CTNNA3: variants seen among roughly 807,000 people sequenced by gnomAD.
CTNNA3 encodes the protein catenin alpha 3.
CTNNA3 carries 76 observed loss-of-function variants against 95.7 expected under a neutral mutation model. The observed-to-expected ratio is 0.79, with a 90% confidence interval of 0.66 to 0.96. CTNNA3 has a LOEUF of 0.96. Among genes scored for constraint, CTNNA3 ranks in the 40% least tolerant of loss-of-function variants. CTNNA3 has a pLI of 0.00. For synonymous variants in CTNNA3, 431 were observed against 374.4 expected (o/e 1.15, Z -1.74); for missense variants, 1,191 against 1,089.8 (o/e 1.09, Z -1.31).
intron 5 of CTNNA3, among the ~76,000 whole-genome samples, chr10:67,246,684 T>G (rs1240501365): frequency 6.6e-6 from 1 of 152,158 alleles, no homozygotes; most frequent in Non-Finnish European, 1.5e-5. Context: ...AACAGTAAAT[T>G]TTGAGCATTA....
intron 9 of CTNNA3, among the ~76,000 whole-genome samples, chr10:66,675,819 C>A (rs1223387665): frequency 6.6e-6 from 1 of 152,044 alleles, no homozygotes; most frequent in African/African-American, 2.4e-5. Context: ...CAGCCTAATA[C>A]ATGAAAATAA....
At chr10:67,372,774 T>C (rs902951864) in intron 5 of CTNNA3, among the ~76,000 whole-genome samples, 135 of 152,202 alleles carry the variant, frequency 8.9e-4, no homozygotes, top group Middle Eastern at 3.4e-3. Context: ...TAACAGCAGA[T>C]CTCTCGGCAG....
At chr10:67,620,806 GA>G (rs1843807849) in intron 2 of CTNNA3, among the ~76,000 whole-genome samples, 1 of 151,374 alleles carries the variant, frequency 6.6e-6, no homozygotes, top group Non-Finnish European at 1.5e-5. Context: ...TTTCCTAAAA[GA>G]AAAAACTCAT....
intron 13 of CTNNA3, among the ~76,000 whole-genome samples, chr10:66,190,915 G>A (rs1016937583): frequency 6.6e-5 from 10 of 152,064 alleles, no homozygotes; most frequent in African/African-American, 1.7e-4. Context: ...ACCCCCTAGC[G>A]GATGACCTTC....
intron 5 of CTNNA3, among the ~76,000 whole-genome samples, chr10:67,340,342 A>G (rs1842140627): frequency 1.3e-5 from 2 of 152,262 alleles, no homozygotes; most frequent in Non-Finnish European, 2.9e-5. Flanking sequence ...GAAAAAATGA[A>G]GTAAAAAATA....
chr10:66,773,788 A>C (rs1446483409), intron 8 of CTNNA3, among the ~76,000 whole-genome samples: 1 of 152,228 alleles, frequency 6.6e-6, no homozygotes, highest in Non-Finnish European at 1.5e-5. Flanking sequence ...GTATCTTCTT[A>C]CTATGAAGAA....
At chr10:67,255,468 G>GT (rs1866308570) in intron 5 of CTNNA3, among the ~76,000 whole-genome samples, 1 of 152,114 alleles carries the variant, frequency 6.6e-6, no homozygotes, top group Admixed American at 6.6e-5. Flanking sequence ...TTTCTTCTAT[G>GT]TATTACATAA....
At chr10:67,604,144 T>A (rs766007554) in intron 3 of CTNNA3, among the ~76,000 whole-genome samples, 2 of 152,212 alleles carry the variant, frequency 1.3e-5, no homozygotes, top group Admixed American at 6.5e-5. Context: ...TTTGTGTAAG[T>A]ACACTCTATG....
intron 13 of CTNNA3, among the ~76,000 whole-genome samples, chr10:66,105,967 G>A (rs923465285): frequency 3.3e-5 from 5 of 152,174 alleles, no homozygotes; most frequent in Admixed American, 3.3e-4. Context: ...CCAGCACTTT[G>A]GGAGGCCAAG....
chr10:65,944,548 G>T (rs780997786), intron 17 of CTNNA3, among the ~76,000 whole-genome samples: 1 of 152,188 alleles, frequency 6.6e-6, no homozygotes, highest in East Asian at 1.9e-4. Context: ...AAGGGGGAAG[G>T]CAAAGTGGAG....
intron 8 of CTNNA3, among the ~76,000 whole-genome samples, chr10:66,774,015 C>T (rs1840196687): frequency 6.6e-6 from 1 of 152,128 alleles, no homozygotes; most frequent in Non-Finnish European, 1.5e-5. Flanking sequence ...AACTGGGTGC[C>T]TTGTGCTTTT....
chr10:66,382,235 C>A (rs1002174501), intron 11 of CTNNA3, among the ~76,000 whole-genome samples: 10 of 152,182 alleles, frequency 6.6e-5, no homozygotes, highest in Non-Finnish European at 1.5e-4. Context: ...CCAAATACTG[C>A]GCTTTTCCCA....
intron 7 of CTNNA3, among the ~76,000 whole-genome samples, chr10:66,824,104 C>T (rs915804114): frequency 2.0e-5 from 3 of 149,268 alleles, no homozygotes; most frequent in Admixed American, 1.3e-4. Flanking sequence ...TAAGAAATGT[C>T]ATGTTAAAGA....
chr10:66,328,575 T>C (rs903793698), intron 12 of CTNNA3, among the ~76,000 whole-genome samples: 1 of 151,902 alleles, frequency 6.6e-6, no homozygotes, highest in Non-Finnish European at 1.5e-5. Flanking sequence ...GATCACAGGA[T>C]TTCTTTCCTG....
chr10:66,517,719 C>T (rs539547776), intron 11 of CTNNA3, among the ~76,000 whole-genome samples: 1 of 152,172 alleles, frequency 6.6e-6, no homozygotes, highest in Non-Finnish European at 1.5e-5. Flanking sequence ...AACTTGCTTT[C>T]ACTTTGCATT....
intron 16 of CTNNA3, among the ~76,000 whole-genome samples, chr10:65,974,342 G>C (rs1311912075): frequency 6.6e-6 from 1 of 152,060 alleles, no homozygotes; most frequent in Non-Finnish European, 1.5e-5. Context: ...AATCAACCTA[G>C]GTATCCACCA....
chr10:66,265,165 AT>A (rs1357382755), intron 13 of CTNNA3, among the ~76,000 whole-genome samples: 1 of 152,022 alleles, frequency 6.6e-6, no homozygotes, highest in African/African-American at 2.4e-5. Context: ...ACCTTGAGTT[AT>A]CCACATATTG....
rs755424227 is a variant in CTNNA3, at chr10:65,988,717, A to T, written c.2240T>A (p.Val747Asp). 2.5e-6 allele frequency: 4 copies of T among 1,613,888 alleles called. No individual in the cohort carries two copies. In the South Asian group the frequency reaches 4.4e-5, roughly 18 times the overall value. Residue 747 changes from valine to aspartate, a missense_variant, in exon 16 of 18, where the codon GTC becomes GAC. By Grantham distance (152) the Val-to-Asp change is radical. Coordinates refer to ENST00000433211, the MANE Select transcript of CTNNA3 (RefSeq NM_013266.4). ...CTGATTAGCAATCTGCCGAGCAAGG[A>T]CATCCATCCTTGATCCTGATTCTGA... ...MISESGSRMDVLARQIANQCP... is the reference protein window; with the variant it reads ...MISESGSRMDDLARQIANQCP...
chr10:67,335,490 T>A (rs1841964025), intron 5 of CTNNA3, among the ~76,000 whole-genome samples: 1 of 152,212 alleles, frequency 6.6e-6, no homozygotes, highest in African/African-American at 2.4e-5. Flanking sequence ...TCCTTATAAT[T>A]CTCACTTTGC....
Sources: gnomAD v4.1 joint callset for allele counts (sites outside exome capture counted in the v4.1 genomes callset) on GRCh38, gnomAD v4.1.1 for gene constraint, MANE v1.5 for transcripts, NCBI Gene and HGNC (gene_info 2026-07-23, HGNC 2026-07-21) for gene names.